The following RAI14 variants were observed in gnomAD, a reference collection of about 807,000 sequenced individuals.
RAI14 encodes the protein ankycorbin.
A neutral mutation model predicts 115.4 loss-of-function variants in RAI14; 45 were observed. The observed-to-expected ratio is 0.39, with a 90% CI of 0.31 to 0.50. The LOEUF (loss-of-function observed/expected upper bound fraction) is 0.50, where lower values mean the gene tolerates loss of function less well. Ranked by LOEUF, RAI14 falls within the 20% of genes least tolerant of loss-of-function variation. The probability of loss-of-function intolerance (pLI) is 0.85; values close to 1 mark genes in which losing one functional copy is unlikely to be tolerated. For missense variants in RAI14, 939 were observed against 1,131.2 expected, an observed-to-expected ratio of 0.83 and a Z score of 2.44; for synonymous variants, 371 against 415.4, an observed-to-expected ratio of 0.89 and a Z score of 1.30.
At chr5:34,701,193 A>G (rs986387209) in intron 2 of RAI14, among the ~76,000 whole-genome samples, 1 of 152,192 alleles carries the variant, frequency 6.6e-6, no homozygotes, top group Non-Finnish European at 1.5e-5. Flanking sequence ...TTAACCCTAT[A>G]TATCATGACT....
At chr5:34,702,824 A>G (rs1254848708) in intron 2 of RAI14, among the ~76,000 whole-genome samples, 1 of 152,178 alleles carries the variant, frequency 6.6e-6, no homozygotes, top group Non-Finnish European at 1.5e-5. Context: ...CTCCTGCCTC[A>G]GCCTCCCAAG....
intron 2 of RAI14, among the ~76,000 whole-genome samples, chr5:34,755,707 A>G (rs1410488989): frequency 6.6e-6 from 1 of 152,242 alleles, no homozygotes; most frequent in African/African-American, 2.4e-5. Flanking sequence ...ATCCTGGTTA[A>G]GAATCACTGG....
At chr5:34,696,731 G>C (rs986533492) in intron 2 of RAI14, among the ~76,000 whole-genome samples, 1 of 152,246 alleles carries the variant, frequency 6.6e-6, no homozygotes, top group Admixed American at 6.5e-5. Flanking sequence ...TTTTACGCCA[G>C]AAGTTAACTA....
At chr5:34,735,901 T>G (rs745794714) in intron 2 of RAI14, among the ~76,000 whole-genome samples, 1 of 152,266 alleles carries the variant, frequency 6.6e-6, no homozygotes, top group Non-Finnish European at 1.5e-5. Flanking sequence ...GTGGTTTTCC[T>G]GTGGTACTCA....
intron 2 of RAI14, among the ~76,000 whole-genome samples, chr5:34,703,969 C>T (rs527896194): frequency 1.3e-5 from 2 of 152,244 alleles, no homozygotes; most frequent in East Asian, 3.9e-4. Flanking sequence ...ATGCCTGGAC[C>T]ATCAGTATCA....
At chr5:34,769,405 G>A (rs1255722596) in intron 3 of RAI14, among the ~76,000 whole-genome samples, 1 of 152,144 alleles carries the variant, frequency 6.6e-6, no homozygotes, top group African/African-American at 2.4e-5. Context: ...TTATAAGATA[G>A]TGCTGCCTTC....
At position 34,832,120 on chromosome 5, in the gene RAI14, G is replaced by T. The variant is rs1158673862; in HGVS notation, c.*1355G>T. On this transcript the variant is annotated 3_prime_UTR_variant, in exon 18 of 18. Transcript: ENST00000265109. Reference sequence around the variant, plus strand: ...TTAATCTTGTTGAGGGAGAGAGACAGAATCCTGGACTCTCCAAAGTATTTA... The same window carrying T: ...TTAATCTTGTTGAGGGAGAGAGACATAATCCTGGACTCTCCAAAGTATTTA... The T allele has an allele frequency of 6.6e-6, 1 of 152,344 alleles. No homozygotes were observed. The highest frequency in any genetic ancestry group is 2.4e-5 in the African/African-American group (1 of 41,454). 9.4% of individuals were successfully genotyped at this position (152,344 alleles called of 1,614,324 possible).
At chr5:34,762,593 G>A (rs926483810) in intron 3 of RAI14, among the ~76,000 whole-genome samples, 2 of 152,208 alleles carry the variant, frequency 1.3e-5, no homozygotes, top group Non-Finnish European at 1.5e-5. Context: ...AATAAAGGAA[G>A]GGTGGTGTCT....
intron 7 of RAI14, among the ~76,000 whole-genome samples, chr5:34,810,333 C>T (rs1224135984): frequency 6.6e-6 from 1 of 152,082 alleles, no homozygotes; most frequent in Non-Finnish European, 1.5e-5. Context: ...TAGTATTTTT[C>T]ATCATTTGTT....
chr5:34,715,543 G>T (rs1000958680), intron 2 of RAI14, among the ~76,000 whole-genome samples: 2 of 152,140 alleles, frequency 1.3e-5, no homozygotes, highest in Non-Finnish European at 2.9e-5. Context: ...GCTTTGACTT[G>T]GTGTTCCCTG....
rs548804281 is a variant in RAI14 at position 34,803,677 on chromosome 5, T to A, written c.257-35T>A. The A allele has an allele frequency of 6.5e-6, 10 of 1,542,358 alleles. No individual in the cohort carries two copies. The South Asian group carries it at 1.1e-4, about 17-fold the overall frequency. The stretch of plus-strand genomic sequence containing the variant: ...AGATTTTTTTTAAAGTGTGGCCTTT[T>A]TAAAAAAAATTATTATTTGAAAAAA... On this transcript the variant is annotated intron_variant, in intron 4 of 17. Transcript: ENST00000265109.
In RAI14 at chr5:34,659,772, G is replaced by T. The variant is rs1742552993; in HGVS notation, c.-49+3297G>T. ...ATTCATTCTTCAACAAATATTTAGG[G>T]TGCTTGTATGGTCTTGGCTATCTGT... On this transcript the variant is annotated intron_variant, in intron 1 of 17. Transcript: ENST00000265109. Among the ~76,000 whole-genome samples, 5 of 152,094 alleles carry T rather than the reference G, an allele frequency of 3.3e-5. 1 individual carries two copies. The South Asian group carries it at 1.0e-3, about 32-fold the overall frequency.
At chr5:34,757,439 T>C in intron 2 of RAI14, 29 bp from the exon 3 acceptor site, 1 of 1,611,000 alleles carries the variant, frequency 6.2e-7, no homozygotes, top group Non-Finnish European at 8.5e-7. Flanking sequence ...GTGTTGTTCA[T>C]GACCTCTGTT....
chr5:34,736,615 C>G (rs1744912460), intron 2 of RAI14, among the ~76,000 whole-genome samples: 1 of 152,060 alleles, frequency 6.6e-6, no homozygotes, highest in Non-Finnish European at 1.5e-5. Flanking sequence ...GTTGCCCAGG[C>G]TGGTCTCAAA....
At chr5:34,809,843 A>G (rs1339555857) in intron 7 of RAI14, among the ~76,000 whole-genome samples, 1 of 152,132 alleles carries the variant, frequency 6.6e-6, no homozygotes, top group African/African-American at 2.4e-5. Context: ...GAATCTCCCA[A>G]CTTTGAAGAC....
At chr5:34,661,654 G>A (rs1742695034) in intron 1 of RAI14, among the ~76,000 whole-genome samples, 1 of 152,084 alleles carries the variant, frequency 6.6e-6, no homozygotes, top group Non-Finnish European at 1.5e-5. Flanking sequence ...CCTGAATTTA[G>A]AGGAAAACAT....
At chr5:34,668,512 G>T (rs1210648001) in intron 1 of RAI14, among the ~76,000 whole-genome samples, 1 of 152,078 alleles carries the variant, frequency 6.6e-6, no homozygotes, top group Non-Finnish European at 1.5e-5. Context: ...CCAAGCACAG[G>T]CCCACTTCAG....
chr5:34,822,664 CTTTTTTTTTTTTTTT>C lies in RAI14; in HGVS notation c.1114-269_1114-255del, dbSNP rs143092935. 8.2e-4 allele frequency among the ~76,000 whole-genome samples: 39 copies of C among 47,560 alleles called. 1 individual carries two copies. The highest frequency in any genetic ancestry group is 1.8e-3 in the African/African-American group (27 of 15,150). 31.2% of individuals were successfully genotyped at this position (47,560 alleles called of 152,430 possible). On this transcript the variant is annotated intron_variant, in intron 14 of 17. Coordinates refer to ENST00000265109, the MANE Select transcript of RAI14 (RefSeq NM_015577.3). ...GCTTAGCTAACCACGCCTTTGGTAT[CTTTTTTTTTTTTTTT>C]TTTTTTTTTTTTTTTTTTTTTTGAG...
chr5:34,726,813 G>A (rs1743526591), intron 2 of RAI14, among the ~76,000 whole-genome samples: 1 of 152,174 alleles, frequency 6.6e-6, no homozygotes, highest in South Asian at 2.1e-4. Context: ...GTTCCGCTAT[G>A]ATTGTGAGGT....
Sources: gnomAD v4.1 joint callset for allele counts (sites outside exome capture counted in the v4.1 genomes callset) on GRCh38, gnomAD v4.1.1 for gene constraint, MANE v1.5 for transcripts, NCBI Gene and HGNC (gene_info 2026-07-23, HGNC 2026-07-21) for gene names.